SLC24A4: variants seen among roughly 807,000 people sequenced by gnomAD.
The protein encoded by SLC24A4 is sodium/potassium/calcium exchanger 4.
In SLC24A4, 53 loss-of-function variants were observed where a neutral mutation model predicts 79.0. The ratio of observed to expected loss-of-function variants is 0.67; its 90% CI spans 0.54 to 0.84. The LOEUF (loss-of-function observed/expected upper bound fraction) is 0.84. Among genes scored for constraint, SLC24A4 ranks in the 40% least tolerant of loss-of-function variants. SLC24A4 has a pLI of 0.00. For missense variants in SLC24A4, 731 were observed against 822.0 expected, an observed-to-expected ratio of 0.89 and a Z score of 1.35; for synonymous variants, 323 against 323.8, an observed-to-expected ratio of 1.00 and a Z score of 0.03.
At position 92,482,772 on chromosome 14, in the gene SLC24A4, GAGA is replaced by G. The variant is rs767850986; in HGVS notation, c.1351_1353del (p.Lys451del). On this transcript the variant is annotated inframe_deletion, in exon 13 of 17. Transcript: ENST00000532405. ...TCCCAACTGCAGCAAGCCCCGCTGG[GAGA>G]AGTTCTTCATGGTCACCTTCATCAC... 6.8e-6 allele frequency: 11 copies of G among 1,613,960 alleles called. No individual in the cohort carries two copies. The highest frequency in any genetic ancestry group is 8.5e-6 in the Non-Finnish European group (10 of 1,180,006).
chr14:92,375,798 G>A (rs1888466534), intron 2 of SLC24A4, among the ~76,000 whole-genome samples: 2 of 152,210 alleles, frequency 1.3e-5, no homozygotes, highest in Non-Finnish European at 2.9e-5. Flanking sequence ...GTCAAGGGCT[G>A]TGGGGGAGGG....
intron 12 of SLC24A4, among the ~76,000 whole-genome samples, chr14:92,469,545 C>G (rs889067251): frequency 1.3e-5 from 2 of 151,920 alleles, no homozygotes; most frequent in African/African-American, 4.8e-5. Flanking sequence ...ACCATATGAC[C>G]CAACAATTCC....
At chr14:92,407,484 C>A (rs751954184) in intron 2 of SLC24A4, among the ~76,000 whole-genome samples, 7 of 152,174 alleles carry the variant, frequency 4.6e-5, no homozygotes, top group Non-Finnish European at 1.0e-4. Flanking sequence ...CTATAAAGAA[C>A]CACCTGAGAC....
chr14:92,437,603 G>A (rs1892246962), intron 3 of SLC24A4, among the ~76,000 whole-genome samples: 2 of 152,240 alleles, frequency 1.3e-5, no homozygotes, highest in South Asian at 4.1e-4. Flanking sequence ...ACCAGCCTTA[G>A]AATCTGGGTT....
At chr14:92,375,386 CA>C (rs1219735050) in intron 2 of SLC24A4, among the ~76,000 whole-genome samples, 1 of 152,204 alleles carries the variant, frequency 6.6e-6, no homozygotes, top group African/African-American at 2.4e-5. Context: ...CTGTGGAGAA[CA>C]GTTTGGAGGT....
At chr14:92,329,142 G>T (rs1469740598) in intron 2 of SLC24A4, among the ~76,000 whole-genome samples, 1 of 152,204 alleles carries the variant, frequency 6.6e-6, no homozygotes, top group Non-Finnish European at 1.5e-5. Context: ...ATTAGAGGGT[G>T]CCTTGTCCAG....
rs181942352 is a variant in SLC24A4 at position 92,456,212 on chromosome 14, A to C, written c.1051-192A>C. ...ATAAATCCTCAAAGTTTTCCTGGTA[A>C]CCATGCAAATGTAAGTGACCAAACA... On this transcript the variant is annotated intron_variant, in intron 11 of 16. Transcript: ENST00000532405. Among the ~76,000 whole-genome samples the C allele has an allele frequency of 7.6e-4, 116 of 152,300 alleles. 1 individual carries two copies. Among genetic ancestry groups the C allele is most frequent in the African/African-American group, 2.6e-3 (108 of 41,552 alleles).
chr14:92,411,765 G>C lies in SLC24A4; in HGVS notation c.242-22147G>C, dbSNP rs188073252. On this transcript the variant is annotated intron_variant, in intron 2 of 16. Transcript: ENST00000532405. ...GATTGAGCACATACTCTATATAAGGGGCACTGTCTAGAGATAAATAAGGCA... is the reference window on the plus strand; with the variant it reads ...GATTGAGCACATACTCTATATAAGGCGCACTGTCTAGAGATAAATAAGGCA... Among the ~76,000 whole-genome samples, 3 of 152,208 alleles carry C rather than the reference G, an allele frequency of 2.0e-5. No individual in the cohort carries two copies. The East Asian group carries it at 5.8e-4, about 29-fold the overall frequency.
intron 2 of SLC24A4, among the ~76,000 whole-genome samples, chr14:92,430,356 G>A (rs537983981): frequency 1.2e-4 from 18 of 152,326 alleles, no homozygotes; most frequent in Non-Finnish European, 2.4e-4. Flanking sequence ...ATCCCTGAAC[G>A]GGCAGCACTA....
intron 7 of SLC24A4, among the ~76,000 whole-genome samples, chr14:92,443,738 C>T (rs1892634356): frequency 6.6e-6 from 1 of 152,202 alleles, no homozygotes; most frequent in African/African-American, 2.4e-5. Flanking sequence ...GCTGAGAAAC[C>T]AGTCAGAAAT....
chr14:92,480,061 T>A (rs1253011788), intron 12 of SLC24A4, among the ~76,000 whole-genome samples: 1 of 152,080 alleles, frequency 6.6e-6, no homozygotes, highest in Admixed American at 6.5e-5. Flanking sequence ...TTCTCTCTTT[T>A]TTTCTTGGTC....
chr14:92,463,717 A>G (rs1322991301), intron 12 of SLC24A4, among the ~76,000 whole-genome samples: 1 of 152,190 alleles, frequency 6.6e-6, no homozygotes, highest in East Asian at 1.9e-4. Flanking sequence ...GGCTTTTAAT[A>G]TAGTCACAAA....
chr14:92,421,116 A>C (rs1891253676), intron 2 of SLC24A4, among the ~76,000 whole-genome samples: 1 of 152,318 alleles, frequency 6.6e-6, no homozygotes, highest in East Asian at 1.9e-4. Flanking sequence ...GTTCAGGTGC[A>C]TGAACCAAGG....
At chr14:92,388,321 A>G (rs571565568) in intron 2 of SLC24A4, among the ~76,000 whole-genome samples, 196 of 152,204 alleles carry the variant, frequency 1.3e-3, no homozygotes, top group African/African-American at 4.6e-3. Flanking sequence ...GTCCCTTCGC[A>G]CCTCGAGACG....
At chr14:92,401,029 GA>G (rs1464960021) in intron 2 of SLC24A4, among the ~76,000 whole-genome samples, 15 of 152,302 alleles carry the variant, frequency 9.8e-5, no homozygotes, top group African/African-American at 2.2e-4. Flanking sequence ...ATTTCATGGA[GA>G]GGGGGGAATA....
intron 2 of SLC24A4, among the ~76,000 whole-genome samples, chr14:92,356,191 G>A (rs1182637542): frequency 6.6e-6 from 1 of 152,148 alleles, no homozygotes; most frequent in Non-Finnish European, 1.5e-5. Flanking sequence ...GATGGGCAAG[G>A]CTAAGCTAGG....
At chr14:92,394,496 G>T (rs575752939) in intron 2 of SLC24A4, among the ~76,000 whole-genome samples, 4 of 152,096 alleles carry the variant, frequency 2.6e-5, no homozygotes, top group Non-Finnish European at 5.9e-5. Flanking sequence ...TCCCAGCCAC[G>T]CAGGAGAGTT....
chr14:92,453,845 A>C (rs1893295390), intron 10 of SLC24A4, 55 bp from the exon 11 acceptor site: 1 of 1,515,762 alleles, frequency 6.6e-7, no homozygotes, highest in Non-Finnish European at 8.8e-7. Flanking sequence ...TGGCCCCAGC[A>C]CTTGGGTGTT....
At chr14:92,370,583 A>G (rs1888096620) in intron 2 of SLC24A4, among the ~76,000 whole-genome samples, 1 of 151,342 alleles carries the variant, frequency 6.6e-6, no homozygotes, top group Non-Finnish European at 1.5e-5. Flanking sequence ...ATTAAAACAA[A>G]AGAAGGAGAG....
Sources: gnomAD v4.1 joint callset for allele counts (sites outside exome capture counted in the v4.1 genomes callset) on GRCh38, gnomAD v4.1.1 for gene constraint, MANE v1.5 for transcripts, NCBI Gene and HGNC (gene_info 2026-07-23, HGNC 2026-07-21) for gene names.